Variants in USP8 observed in about 807,000 individuals in gnomAD.
USP8 encodes the protein ubiquitin specific peptidase 8.
A neutral mutation model predicts 130.0 loss-of-function variants in USP8; 27 were observed. That is an observed-to-expected ratio of 0.21 (90% CI 0.15 to 0.29). The LOEUF is 0.29. USP8 is among the 10% of genes least tolerant of loss of function. The pLI is 1.00. For synonymous variants in USP8, 392 were observed against 444.1 expected (o/e 0.88, Z 1.48); for missense variants, 1,029 against 1,312.2 (o/e 0.78, Z 3.33).
chr15:50,468,049 C>T (rs2051249142), intron 7 of USP8, among the ~76,000 whole-genome samples: 3 of 151,884 alleles, frequency 2.0e-5, no homozygotes, highest in African/African-American at 7.2e-5. Flanking sequence ...ATTTCTTCTG[C>T]CTCAGCCCCC....
intron 12 of USP8, 43 bp from the exon 13 acceptor site, chr15:50,489,757 TA>T (rs201967385): frequency 2.2e-5 from 29 of 1,299,630 alleles, no homozygotes; most frequent in South Asian, 3.8e-5. Context: ...AAATCAGATT[TA>T]AAAAAAATTT....
At chr15:50,469,606 A>G (rs2051308058) in intron 7 of USP8, among the ~76,000 whole-genome samples, 1 of 152,106 alleles carries the variant, frequency 6.6e-6, no homozygotes, top group African/African-American at 2.4e-5. Context: ...TTCCTGGAAG[A>G]TACAGTAACC....
At position 50,493,581 on chromosome 15, in the gene USP8, C is replaced by T; in HGVS notation, c.2448-489C>T. 3 of 476,206 alleles carry T rather than the reference C, an allele frequency of 6.3e-6. No homozygotes were observed. The East Asian group carries it at 1.7e-4, about 26-fold the overall frequency. The allele number at this position is 476,206 out of a possible 1,614,324, so 29.5% of individuals were successfully genotyped here. On this transcript the variant is annotated intron_variant, in intron 15 of 19. Transcript: ENST00000307179. ...CCAGTCTGGGCAACAAGGCAAAACT[C>T]CGTCTCTACAAAAATTAGCTAGGTG...
intron 12 of USP8, among the ~76,000 whole-genome samples, chr15:50,487,019 G>A (rs1472529443): frequency 6.6e-6 from 1 of 151,970 alleles, no homozygotes; most frequent in East Asian, 1.9e-4. Context: ...AGCTACTTGG[G>A]AGGCTGAGGC....
rs754887241 is a variant in USP8 at position 50,465,103 on chromosome 15, A to C, written c.598A>C (p.Ile200Leu). The change falls in exon 7 of 20, where the codon ATT (isoleucine) becomes CTT (leucine). Residue 200 changes from isoleucine (I) to leucine (L), a missense_variant. By Grantham distance (5) the Ile-to-Leu change is conservative. This residue lies in a region of USP8 where 281 missense variants were observed against 336.7 expected (regional missense o/e 0.83). Coordinates refer to ENST00000307179, the MANE Select transcript of USP8 (RefSeq NM_005154.5). ...GATGACGGATAAAAACATCAGCTTG[A>C]TTATAATGGATGCTCGAAGAATGCA... ...TMMTDKNISLIIMDARRMQDY... is the reference protein window; with the variant it reads ...TMMTDKNISLLIMDARRMQDY... 23 of 1,614,018 alleles carry C rather than the reference A, an allele frequency of 1.4e-5. No homozygotes were observed. The African/African-American group carries it at 2.3e-4, about 16-fold the overall frequency.
chr15:50,433,821 G>A (rs1353799709), intron 1 of USP8, among the ~76,000 whole-genome samples: 4 of 152,106 alleles, frequency 2.6e-5, no homozygotes, highest in South Asian at 2.1e-4. Flanking sequence ...TAGCCAGGAT[G>A]GTCTTGATCT....
chr15:50,451,969 A>G (rs921997902), intron 4 of USP8, among the ~76,000 whole-genome samples: 2 of 152,204 alleles, frequency 1.3e-5, no homozygotes, highest in African/African-American at 2.4e-5. Flanking sequence ...GTCATGGTCT[A>G]TGACCACGGA....
chr15:50,478,296 A>G (rs2051640638), intron 10 of USP8, among the ~76,000 whole-genome samples: 1 of 152,258 alleles, frequency 6.6e-6, no homozygotes. Flanking sequence ...AAGACATTAC[A>G]AATAAAAAAA....
At chr15:50,449,828 G>A (rs2050562676) in intron 4 of USP8, among the ~76,000 whole-genome samples, 1 of 149,168 alleles carries the variant, frequency 6.7e-6, no homozygotes, top group African/African-American at 2.5e-5. Context: ...TGATCCTCCT[G>A]CCTCGGCCTC....
chr15:50,456,573 C>G (rs1005385369), intron 4 of USP8, among the ~76,000 whole-genome samples: 1 of 104,878 alleles, frequency 9.5e-6, no homozygotes, highest in African/African-American at 4.3e-5. Context: ...GACTCCGTCT[C>G]AAAAAAAAAA....
At chr15:50,488,188 C>T (rs1321778417) in intron 12 of USP8, among the ~76,000 whole-genome samples, 3 of 152,072 alleles carry the variant, frequency 2.0e-5, no homozygotes, top group Admixed American at 1.3e-4. Context: ...TTTTCTGACC[C>T]AAAGTCCTAA....
In USP8 at chr15:50,450,462, CTTTTTTTTTTTTT is replaced by C. The variant is rs35800074; in HGVS notation, c.335+989_335+1001del. Among the ~76,000 whole-genome samples, 13 of 80,444 alleles carry C rather than the reference CTTTTTTTTTTTTT, an allele frequency of 1.6e-4. 1 individual carries two copies. In the Admixed American group the frequency reaches 2.3e-3, roughly 14 times the overall value. The allele number at this position is 80,444 out of a possible 152,430, so 52.8% of individuals were successfully genotyped here. ...TTTCAGTTTTTAGTCGTTAGTCATT[CTTTTTTTTTTTTT>C]TTTTTTTTTTTGGAGACGGAGTTTT... On this transcript the variant is annotated intron_variant, in intron 4 of 19. Transcript: ENST00000307179.
Position 50,497,238 on chromosome 15 carries a change from G to C in USP8, c.3038+7G>C, listed in dbSNP as rs746693019. On this transcript the variant is annotated splice_region_variant and intron_variant, in intron 18 of 19. Transcript: ENST00000307179. The stretch of plus-strand genomic sequence containing the variant: ...TTTTAGTGCATCTGAAACGGTAAAG[G>C]GGAAAGTTTGTCCTCCTGTTCAGTG... 6.3e-7 allele frequency: 1 copy of C among 1,595,406 alleles called. No homozygotes were observed. Among genetic ancestry groups the C allele is most frequent in the African/African-American group, 1.4e-5 (1 of 73,490 alleles).
rs1009978860 is a variant in USP8 at position 50,476,849 on chromosome 15, T to C, written c.850T>C (p.Trp284Arg). The C allele has an allele frequency of 3.9e-6, 6 of 1,552,330 alleles. No individual in the cohort carries two copies. The highest frequency in any genetic ancestry group is 5.2e-6 in the Non-Finnish European group (6 of 1,160,392). The change falls in exon 9 of 20, where the codon TGG (tryptophan) becomes CGG (arginine). Residue 284 changes from tryptophan (W) to arginine (R), a missense_variant and splice_region_variant. By Grantham distance (101) the Trp-to-Arg change is moderately radical. Coordinates refer to ENST00000307179, the MANE Select transcript of USP8 (RefSeq NM_005154.5). ...TAAAATATGATTTCCTTATTTATAG[T>C]GGGAAAGTAAAACTGTCCTGCGCAA... ...LRSLKDALFK[W>R]ESKTVLRNEP... is the part of the protein sequence containing the mutation.
rs199817887 is a variant in USP8 at position 50,477,431 on chromosome 15, G to T, written c.1150G>T (p.Val384Phe). Residue 384 changes from valine (V) to phenylalanine (F), a missense_variant, in exon 10 of 20, where the codon GTT becomes TTT. Around this residue, in one of 4 missense-constraint regions of USP8, gnomAD observed 486 missense variants for 522.0 expected, o/e 0.93. Coordinates refer to ENST00000307179, the MANE Select transcript of USP8 (RefSeq NM_005154.5). ...GAATATATCAACTCCAGTTGAACCA[G>T]TTGCTGCTTCTAAATCTGATGTTTC... Reference protein sequence around the residue: ...PLNISTPVEPVAASKSDVSPI... With the variant: ...PLNISTPVEPFAASKSDVSPI... 21 of 1,614,054 alleles carry T rather than the reference G, an allele frequency of 1.3e-5. No homozygotes were observed. Among genetic ancestry groups the T allele is most frequent in the Non-Finnish European group, 1.6e-5 (19 of 1,180,044 alleles).
In USP8 at chr15:50,502,628, C is replaced by T. The variant is rs1291670164; in HGVS notation, c.*3540C>T. On this transcript the variant is annotated 3_prime_UTR_variant, in exon 20 of 20. Coordinates refer to ENST00000307179, the MANE Select transcript of USP8 (RefSeq NM_005154.5). ...CAAGTGATCCACCTGCCTCCACCTC[C>T]CAAAGTGCTGGGATTACAGGCGTGA... 2 of 152,202 alleles carry T rather than the reference C, an allele frequency of 1.3e-5. No individual in the cohort carries two copies. Among genetic ancestry groups the T allele is most frequent in the Non-Finnish European group, 2.9e-5 (2 of 68,116 alleles). 9.4% of individuals were successfully genotyped at this position (152,202 alleles called of 1,614,324 possible). A position where few individuals can be genotyped will look rare whatever the true frequency, so the allele number is the denominator to read the frequency against.
intron 12 of USP8, 116 bp from the exon 13 acceptor site, chr15:50,489,685 C>T: frequency 1.7e-6 from 1 of 590,064 alleles, no homozygotes. Context: ...GCAGCCAAGG[C>T]AAGGTTTTTT....
chr15:50,434,002 A>G (rs932371124), intron 1 of USP8, among the ~76,000 whole-genome samples: 2 of 151,468 alleles, frequency 1.3e-5, no homozygotes, highest in Non-Finnish European at 2.9e-5. Context: ...AGGTTTACAC[A>G]TCTTAAGAAT....
In USP8 at chr15:50,502,085, G is replaced by A. The variant is rs1012625627; in HGVS notation, c.*2997G>A. The A allele has an allele frequency of 6.6e-6, 1 of 152,094 alleles. No homozygotes were observed. The highest frequency in any genetic ancestry group is 6.6e-5 in the Admixed American group (1 of 15,250). 9.4% of individuals were successfully genotyped at this position (152,094 alleles called of 1,614,324 possible). ...TAAGTTTGCTGACCTCTGCTGTAGA[G>A]GAAGAAAATTGATTATTTGTTAACT... On this transcript the variant is annotated 3_prime_UTR_variant, in exon 20 of 20. Coordinates refer to ENST00000307179, the MANE Select transcript of USP8 (RefSeq NM_005154.5).
Sources: gnomAD v4.1 joint callset for allele counts (sites outside exome capture counted in the v4.1 genomes callset) on GRCh38, gnomAD v4.1.1 for gene constraint, gnomAD v4.1.1 regional missense constraint, MANE v1.5 for transcripts, NCBI Gene and HGNC (gene_info 2026-07-23, HGNC 2026-07-21) for gene names.